PDCD6: variants seen among roughly 807,000 people sequenced by gnomAD.
PDCD6 encodes the protein programmed cell death protein 6.
Under a neutral mutation model 28.3 loss-of-function variants are expected in PDCD6, and 12 were observed. The observed-to-expected ratio is 0.42, with a 90% CI of 0.27 to 0.69. The LOEUF is 0.69. Ranked by LOEUF, PDCD6 falls within the 30% of genes least tolerant of loss-of-function variation. The probability of loss-of-function intolerance (pLI) is 0.22; values close to 1 mark genes in which losing one functional copy is unlikely to be tolerated. For missense variants in PDCD6, 226 were observed against 269.9 expected, an observed-to-expected ratio of 0.84 and a Z score of 1.14; for synonymous variants, 92 against 108.0, an observed-to-expected ratio of 0.85 and a Z score of 0.92.
intron 2 of PDCD6, among the ~76,000 whole-genome samples, chr5:280,854 G>A (rs1318572374): frequency 5.3e-5 from 8 of 152,114 alleles, no homozygotes; most frequent in African/African-American, 1.9e-4. Flanking sequence ...CAGGGTAGAG[G>A]GCAGGGCCGT....
chr5:302,423 C>T (rs1740147418), intron 2 of PDCD6, among the ~76,000 whole-genome samples: 1 of 103,938 alleles, frequency 9.6e-6, no homozygotes, highest in South Asian at 2.7e-4. Flanking sequence ...TTCAGGTGCA[C>T]CTGCCTTTGT....
At chr5:308,635 G>A (rs967888282) in intron 4 of PDCD6, 2 of 152,220 alleles carry the variant, frequency 1.3e-5, no homozygotes, top group East Asian at 3.8e-4. Flanking sequence ...GTAACTGTTA[G>A]GAAGTTGGCC....
intron 2 of PDCD6, among the ~76,000 whole-genome samples, chr5:288,151 A>C (rs1739090567): frequency 6.6e-6 from 1 of 152,012 alleles, no homozygotes; most frequent in Admixed American, 6.5e-5. Flanking sequence ...GCCAGATTTT[A>C]TTTCAGTTAC....
chr5:288,853 C>T (rs183501689), intron 2 of PDCD6: 11 of 1,492,820 alleles, frequency 7.4e-6, no homozygotes, highest in Middle Eastern at 1.8e-4. Flanking sequence ...ATTGGTTCAT[C>T]GGTGACTTCT....
At chr5:276,660 A>T (rs554146133) in intron 2 of PDCD6, 1 of 977,674 alleles carries the variant, frequency 1.0e-6, no homozygotes, top group African/African-American at 1.8e-5. Flanking sequence ...GAACTAAATT[A>T]TTAGGCTATT....
chr5:293,043 AC>A (rs1051983332), intron 2 of PDCD6, among the ~76,000 whole-genome samples: 2 of 152,148 alleles, frequency 1.3e-5, no homozygotes, highest in African/African-American at 4.8e-5. Context: ...TCAAGTCTGC[AC>A]CATCCGGAAA....
At position 271,739 on chromosome 5, in the gene PDCD6, CGCCCCGGCCCTGGGGCCG is replaced by C. The variant is rs1561025785; in HGVS notation, c.24_41del (p.Gly11_Pro16del). The C allele has an allele frequency of 3.3e-6, 5 of 1,531,058 alleles. No individual in the cohort carries two copies. The East Asian group carries it at 1.3e-4, about 40-fold the overall frequency. 94.8% of individuals were successfully genotyped at this position (1,531,058 alleles called of 1,614,324 possible). ...TTGGCCCATGGCCGCCTACTCTTAC[CGCCCCGGCCCTGGGGCCG>C]GCCCTGGGCCTGCTGCAGGCGCGGC... On this transcript the variant is annotated inframe_deletion, in exon 1 of 6. Coordinates refer to ENST00000264933, the MANE Select transcript of PDCD6 (RefSeq NM_013232.4).
intron 2 of PDCD6, among the ~76,000 whole-genome samples, chr5:282,529 C>G (rs1038983603): frequency 1.4e-5 from 2 of 145,660 alleles, no homozygotes; most frequent in African/African-American, 2.6e-5. Flanking sequence ...AGCTGATGTT[C>G]TAACTTGAGG....
chr5:276,983 C>G, intron 2 of PDCD6: 3 of 974,624 alleles, frequency 3.1e-6, no homozygotes, highest in Non-Finnish European at 3.7e-6. Flanking sequence ...GTTTTTTTAA[C>G]ATTCACATAT....
intron 2 of PDCD6, among the ~76,000 whole-genome samples, chr5:273,594 C>G (rs1209926962): frequency 1.3e-5 from 2 of 152,108 alleles, no homozygotes; most frequent in Admixed American, 6.6e-5. Context: ...TGTTGAAAGG[C>G]TTCTTGTTAT....
At chr5:310,856 C>T (rs1367327137) in intron 4 of PDCD6, 3 of 173,850 alleles carry the variant, frequency 1.7e-5, no homozygotes, top group African/African-American at 7.2e-5. Flanking sequence ...GATGGGCAAC[C>T]CAGGGCAGCG....
chr5:289,042 C>T, intron 2 of PDCD6: 1 of 1,274,124 alleles, frequency 7.8e-7, no homozygotes, highest in South Asian at 1.2e-5. Flanking sequence ...ACATCAGATT[C>T]CTCCATTTGA....
At chr5:279,636 A>G (rs1391229684) in intron 2 of PDCD6, among the ~76,000 whole-genome samples, 1 of 151,986 alleles carries the variant, frequency 6.6e-6, no homozygotes, top group African/African-American at 2.4e-5. Context: ...GTAAATGATT[A>G]TTGACAATGT....
rs778962868 is a variant in PDCD6 at position 314,504 on chromosome 5, A to G, written c.565A>G (p.Ser189Gly). The part of the protein sequence containing the change: ...SYEQYLSMVF[S>G]IV ...CGAACAGTACCTGTCCATGGTCTTC[A>G]GTATCGTATGACCCTGGCCTCTCGT... The change falls in exon 6 of 6, where the codon AGT (serine) becomes GGT (glycine). Residue 189 changes from serine (S) to glycine (G), a missense_variant. By Grantham distance (56) the Ser-to-Gly change is moderately conservative. Coordinates refer to ENST00000264933, the MANE Select transcript of PDCD6 (RefSeq NM_013232.4). 5 of 1,611,004 alleles carry G rather than the reference A, an allele frequency of 3.1e-6. No homozygotes were observed. The South Asian group carries it at 5.5e-5, about 18-fold the overall frequency.
chr5:282,276 G>C lies in PDCD6; in HGVS notation c.163+9504G>C, dbSNP rs372360140. Among the ~76,000 whole-genome samples, 52 of 131,412 alleles carry C rather than the reference G, an allele frequency of 4.0e-4. 2 individuals carry two copies. In the East Asian group the frequency reaches 5.0e-3, roughly 13 times the overall value. 86.2% of individuals were successfully genotyped at this position (131,412 alleles called of 152,430 possible). ...AGGGTGGTGCAGCGGAAAAATCGGGGGGGGGGGAGCTGATGTTGTTCGCGT... is the reference window on the plus strand; with the variant it reads ...AGGGTGGTGCAGCGGAAAAATCGGGCGGGGGGGAGCTGATGTTGTTCGCGT... On this transcript the variant is annotated intron_variant, in intron 2 of 5. Coordinates refer to ENST00000264933, the MANE Select transcript of PDCD6 (RefSeq NM_013232.4).
rs1740399650 is a variant in PDCD6, at chr5:305,288, A to C, written c.208+1067A>C. On this transcript the variant is annotated intron_variant, in intron 3 of 5. Coordinates refer to ENST00000264933, the MANE Select transcript of PDCD6 (RefSeq NM_013232.4). This position sits in a 1 kb window ranked among gnomAD's most constrained non-coding sequence, Gnocchi z 4.0. ...GGTTTCCCAGAGCGGCCTGGGGCTC[A>C]TTCCCTCGCCTCCCATCCATGCACG... 1 of 152,260 alleles carries C rather than the reference A, an allele frequency of 6.6e-6. No homozygotes were observed. The highest frequency in any genetic ancestry group is 1.5e-5 in the Non-Finnish European group (1 of 68,116). The allele number at this position is 152,260 out of a possible 1,614,324, so 9.4% of individuals were successfully genotyped here. A position where few individuals can be genotyped will look rare whatever the true frequency, so the allele number is the denominator to read the frequency against.
At chr5:280,412 G>T (rs1427041368) in intron 2 of PDCD6, among the ~76,000 whole-genome samples, 1 of 151,926 alleles carries the variant, frequency 6.6e-6, no homozygotes, top group East Asian at 1.9e-4. Context: ...ATAGACCAGG[G>T]CAGAGGGCAG....
At chr5:310,570 G>A (rs998283805) in intron 4 of PDCD6, 1 of 152,368 alleles carries the variant, frequency 6.6e-6, no homozygotes, top group Non-Finnish European at 1.5e-5. Context: ...GCCCTCCGGG[G>A]TGCCCGAACA....
intron 2 of PDCD6, among the ~76,000 whole-genome samples, chr5:297,140 G>A (rs1561042617): frequency 6.6e-6 from 1 of 152,068 alleles, no homozygotes; most frequent in Non-Finnish European, 1.5e-5. Context: ...TGTTATCACA[G>A]CTTCTCCCCA....
Sources: allele counts gnomAD v4.1 joint callset (sites outside exome capture counted in the v4.1 genomes callset), GRCh38; gene constraint gnomAD v4.1.1; non-coding constraint Gnocchi (gnomAD v3.1); transcripts MANE v1.5; gene names NCBI Gene and HGNC (gene_info 2026-07-23, HGNC 2026-07-21).